The following LRRK1 variants were observed in gnomAD, a reference collection of about 807,000 sequenced individuals.
LRRK1 encodes leucine rich repeat kinase 1, also known as leucine-rich repeat serine/threonine-protein kinase 1.
A neutral mutation model predicts 209.1 loss-of-function variants in LRRK1; 113 were observed. That is an observed-to-expected ratio of 0.54 (90% confidence interval 0.46 to 0.63). The LOEUF (loss-of-function observed/expected upper bound fraction) is 0.63, where lower values mean the gene tolerates loss of function less well. Among genes scored for constraint, LRRK1 ranks in the 30% least tolerant of loss-of-function variants. LRRK1 has a pLI of 0.00. For synonymous variants in LRRK1, 1,144 were observed against 1,099.7 expected (o/e 1.04, Z -0.80); for missense variants, 2,284 against 2,632.2 (o/e 0.87, Z 2.89).
intron 9 of LRRK1, 49 bp downstream of exon 9, chr15:101,010,886 C>T: frequency 6.4e-7 from 1 of 1,554,666 alleles, no homozygotes; most frequent in Non-Finnish European, 8.7e-7. Flanking sequence ...CTCTGCCTCT[C>T]AGCTGGCCTC....
chr15:101,052,916 T>G lies in LRRK1; in HGVS notation c.3690-6T>G, dbSNP rs2035551244. 6.2e-7 allele frequency: 1 copy of G among 1,602,536 alleles called. No homozygotes were observed. ...GGATGTGGCTGATGCCGGGCGTGTG[T>G]GGCAGGCTCTTCCTGGAGAACAGCA... is the stretch of plus-strand genomic sequence containing the variant. On this transcript the variant is annotated splice_region_variant and splice_polypyrimidine_tract_variant and intron_variant, in intron 24 of 33. Transcript: ENST00000388948.
intron 2 of LRRK1, among the ~76,000 whole-genome samples, chr15:100,964,131 G>T (rs939457876): frequency 2.0e-5 from 3 of 152,118 alleles, no homozygotes; most frequent in Non-Finnish European, 2.9e-5. Flanking sequence ...CCCGGCCCTG[G>T]CTTTTGCTTT....
rs2959205 is a variant in LRRK1, at chr15:101,077,659, C to T, written c.*8811C>T. On this transcript the variant is annotated 3_prime_UTR_variant, in exon 34 of 34. Transcript: ENST00000388948. ...CACAATATCACCCCTTACCACAAGA[C>T]CTCCCTTCAGCTTAATCTCTCCCAC... The T allele has an allele frequency of 0.4, 60,333 of 151,914 alleles. 14,340 individuals are homozygous for T. The highest frequency in any genetic ancestry group is 0.54 in the Non-Finnish European group (36,527 of 67,920). 9.4% of individuals were successfully genotyped at this position (151,914 alleles called of 1,614,324 possible). A position where few individuals can be genotyped will look rare whatever the true frequency, so the allele number is the denominator to read the frequency against.
chr15:101,021,890 C>T lies in LRRK1; in HGVS notation c.1785C>T (p.Gly595=). 1 of 1,614,024 alleles carries T rather than the reference C, an allele frequency of 6.2e-7. No individual in the cohort carries two copies. ...TCCCTCCTGAGCTGGGGCAGCTGGG[C>T]AACCTCTGGCAGCTGGACACTGAAG... ...RELPPELGQL[G]NLWQLDTEDL... The change falls in exon 14 of 34, where the codon GGC becomes GGT. Residue 595 remains glycine, a synonymous_variant. Transcript: ENST00000388948.
chr15:100,921,181 TC>T (rs2042014861), intron 1 of LRRK1, among the ~76,000 whole-genome samples: 1 of 152,192 alleles, frequency 6.6e-6, no homozygotes, highest in Non-Finnish European at 1.5e-5. Flanking sequence ...GTGCCCTCAT[TC>T]CCATAACTGT....
At position 100,978,852 on chromosome 15, in the gene LRRK1, C is replaced by T. The variant is rs8026904; in HGVS notation, c.262-4676C>T. ...GAATTAATACCAATGCTACATAGTC[C>T]CTTCTAGAAAATAGAAAAGGGAACA... On this transcript the variant is annotated intron_variant, in intron 3 of 33. Transcript: ENST00000388948. 8.5e-3 allele frequency among the ~76,000 whole-genome samples: 1,194 copies of T among 139,972 alleles called. 17 individuals are homozygous for T. Among genetic ancestry groups the T allele is most frequent in the African/African-American group, 0.031 (1,146 of 37,116 alleles). The allele number at this position is 139,972 out of a possible 152,430, so 91.8% of individuals were successfully genotyped here. A position where few individuals can be genotyped will look rare whatever the true frequency, so the allele number is the denominator to read the frequency against.
In LRRK1 at chr15:101,027,263, A is replaced by T. The variant is rs1040913056; in HGVS notation, c.2408A>T (p.Glu803Val). Residue 803 changes from glutamate to valine, a missense_variant and splice_region_variant, in exon 18 of 34, where the codon GAG becomes GTG. Physicochemically the swap from Glu to Val is moderately radical, Grantham distance 121. Coordinates refer to ENST00000388948, the MANE Select transcript of LRRK1 (RefSeq NM_024652.6). This position sits in a 1 kb window ranked among gnomAD's most constrained non-coding sequence, Gnocchi z 5.1. ...FPDITFKHLH[E>V]ISCKSLEGQE... ...AAGACGGGTCTTTTTGCTCACAGTG[A>T]GATTTCCTGCAAGAGCCTGGAAGGT... The T allele has an allele frequency of 6.2e-7, 1 of 1,614,018 alleles. No homozygotes were observed. The highest frequency in any genetic ancestry group is 8.5e-7 in the Non-Finnish European group (1 of 1,179,968).
chr15:100,989,452 C>T, intron 6 of LRRK1, 54 bp downstream of exon 6: 1 of 1,547,270 alleles, frequency 6.5e-7, no homozygotes, highest in South Asian at 1.1e-5. Context: ...GCTGCTGTAA[C>T]AGAATCCTGC....
intron 2 of LRRK1, among the ~76,000 whole-genome samples, chr15:100,930,136 A>G (rs1377720975): frequency 6.6e-6 from 1 of 152,220 alleles, no homozygotes; most frequent in Non-Finnish European, 1.5e-5. Flanking sequence ...TCTGGTAGGA[A>G]GTGGATGCTG....
intron 10 of LRRK1, among the ~76,000 whole-genome samples, chr15:101,012,621 T>G (rs752914841): frequency 7.2e-5 from 11 of 152,172 alleles, no homozygotes; most frequent in Non-Finnish European, 1.3e-4. Context: ...AGGGGCCCTG[T>G]AGTGGACCCC....
rs1160547854 is a variant in LRRK1, at chr15:101,073,873, CACCTG to C, written c.*5030_*5034del. On this transcript the variant is annotated 3_prime_UTR_variant, in exon 34 of 34. Transcript: ENST00000388948. Reference sequence around the variant, plus strand: ...AAAAACTTAAAACCTCTTCAACTCACACCTGACCTAAAACCTAAATGCCTTATTTT... The same window carrying C: ...AAAAACTTAAAACCTCTTCAACTCACACCTAAAACCTAAATGCCTTATTTT... The C allele has an allele frequency of 6.6e-6, 1 of 152,160 alleles. No individual in the cohort carries two copies. The highest frequency in any genetic ancestry group is 2.4e-5 in the African/African-American group (1 of 41,426). The allele number at this position is 152,160 out of a possible 1,614,324, so 9.4% of individuals were successfully genotyped here.
chr15:100,986,607 C>G (rs531633400), intron 4 of LRRK1, among the ~76,000 whole-genome samples: 1 of 152,166 alleles, frequency 6.6e-6, no homozygotes, highest in African/African-American at 2.4e-5. Flanking sequence ...GAGAGCAGCC[C>G]GAAGAAGCTA....
At chr15:101,045,917 G>A in intron 20 of LRRK1, 64 bp from the exon 21 acceptor site, 1 of 1,420,240 alleles carries the variant, frequency 7.0e-7, no homozygotes, top group Non-Finnish European at 9.9e-7. Context: ...CCATCTGCTG[G>A]GGTCAGGGCC....
intron 3 of LRRK1, among the ~76,000 whole-genome samples, chr15:100,979,083 C>A (rs922296266): frequency 2.0e-5 from 3 of 152,130 alleles, no homozygotes; most frequent in African/African-American, 7.2e-5. Context: ...AAAGTTGCTT[C>A]AGTTTCAATC....
Position 101,074,372 on chromosome 15 carries a change from A to G in LRRK1, c.*5524A>G, listed in dbSNP as rs2036909563. 1 of 152,148 alleles carries G rather than the reference A, an allele frequency of 6.6e-6. No individual in the cohort carries two copies. The highest frequency in any genetic ancestry group is 2.1e-4 in the South Asian group (1 of 4,828). The allele number at this position is 152,148 out of a possible 1,614,324, so 9.4% of individuals were successfully genotyped here. A position where few individuals can be genotyped will look rare whatever the true frequency, so the allele number is the denominator to read the frequency against. ...TACCTGCCCAGCAATTTTCTCTTAA[A>G]AAGGTGGCTGGAGCTAAAGGCATAG... On this transcript the variant is annotated 3_prime_UTR_variant, in exon 34 of 34. Transcript: ENST00000388948.
At chr15:100,953,433 C>T (rs2042694056) in intron 2 of LRRK1, among the ~76,000 whole-genome samples, 1 of 151,666 alleles carries the variant, frequency 6.6e-6, no homozygotes, top group African/African-American at 2.4e-5. Context: ...CCAGGTTCAC[C>T]CATGTTGCAA....
chr15:100,982,272 C>G (rs1442168759), intron 3 of LRRK1, among the ~76,000 whole-genome samples: 2 of 152,234 alleles, frequency 1.3e-5, no homozygotes, highest in African/African-American at 4.8e-5. Context: ...CACTGATGTT[C>G]AAGCCCACAG....
chr15:101,046,091 T>C lies in LRRK1; in HGVS notation c.3074T>C (p.Val1025Ala). The C allele has an allele frequency of 6.2e-7, 1 of 1,614,244 alleles. No homozygotes were observed. ...GTATTTAAGATGAGCTTCGTTCCCG[T>C]TGGCTTCTGGCAAAGGTTTATAGCA... ...QRVFKMSFVP[V>A]GFWQRFIARM... The change falls in exon 21 of 34, where the codon GTT (valine) becomes GCT (alanine). Residue 1025 changes from valine to alanine, a missense_variant. Physicochemically the swap from Val to Ala is moderately conservative, Grantham distance 64 (BLOSUM62 0). This residue lies in a region of LRRK1 where 780 missense variants were observed against 985.2 expected (regional missense o/e 0.79). Transcript: ENST00000388948.
intron 28 of LRRK1, 113 bp from the exon 29 acceptor site, chr15:101,057,877 T>G: frequency 8.4e-7 from 1 of 1,185,130 alleles, no homozygotes; most frequent in South Asian, 1.4e-5. Context: ...CTAGTCTGAA[T>G]GAACAGAATC....
Sources: gnomAD v4.1 joint callset for allele counts (sites outside exome capture counted in the v4.1 genomes callset) on GRCh38, gnomAD v4.1.1 for gene constraint, gnomAD v4.1.1 regional missense constraint, Gnocchi (gnomAD v3.1) non-coding constraint, MANE v1.5 for transcripts, NCBI Gene and HGNC (gene_info 2026-07-23, HGNC 2026-07-21) for gene names.